The following GSPT1 variants were observed in gnomAD, a reference collection of about 807,000 sequenced individuals.
GSPT1 encodes eukaryotic peptide chain release factor GTP-binding subunit ERF3A.
In GSPT1, 20 loss-of-function variants were observed where a neutral mutation model predicts 72.5. That is an observed-to-expected ratio of 0.28 (90% CI 0.19 to 0.40). The LOEUF (loss-of-function observed/expected upper bound fraction) is 0.40, where lower values mean the gene tolerates loss of function less well. Ranked by LOEUF, GSPT1 falls within the 10% of genes least tolerant of loss-of-function variation. The pLI, the probability that GSPT1 is intolerant of heterozygous loss-of-function variation, is 1.00. For synonymous variants in GSPT1, 334 were observed against 293.5 expected (o/e 1.14, Z -1.41); for missense variants, 580 against 811.9 (o/e 0.71, Z 3.47).
At chr16:11,892,518 A>AAATAAT (rs1555504701) in intron 5 of GSPT1, among the ~76,000 whole-genome samples, 8 of 138,022 alleles carry the variant, frequency 5.8e-5, no homozygotes, top group African/African-American at 2.3e-4. Context: ...AAAAAACAAA[A>AAATAAT]AAAACAAAAA....
chr16:11,887,169 T>G (rs910784017), intron 7 of GSPT1, among the ~76,000 whole-genome samples: 6 of 152,114 alleles, frequency 3.9e-5, no homozygotes, highest in Non-Finnish European at 5.9e-5. Context: ...AATTCCAACA[T>G]TTACTTTCTA....
intron 1 of GSPT1, among the ~76,000 whole-genome samples, chr16:11,901,031 G>C (rs531598514): frequency 2.3e-4 from 35 of 152,150 alleles, no homozygotes; most frequent in African/African-American, 8.4e-4. Context: ...AAAAACTGTC[G>C]GGAATGGCGG....
At chr16:11,876,820 T>C (rs2054054460) in intron 12 of GSPT1, among the ~76,000 whole-genome samples, 1 of 152,160 alleles carries the variant, frequency 6.6e-6, no homozygotes, top group African/African-American at 2.4e-5. Flanking sequence ...ACTAAGCTAA[T>C]TTTTACCGCT....
At chr16:11,904,031 C>G (rs1328491034) in intron 1 of GSPT1, 1 of 223,136 alleles carries the variant, frequency 4.5e-6, no homozygotes, top group East Asian at 1.1e-4. Flanking sequence ...CAAACTCATA[C>G]AAAGCTGCAA....
chr16:11,897,684 T>TG (rs1377654541), intron 3 of GSPT1, among the ~76,000 whole-genome samples, 156 bp downstream of exon 3: 2 of 152,220 alleles, frequency 1.3e-5, no homozygotes, highest in Non-Finnish European at 2.9e-5. Context: ...GCAGTGTTAG[T>TG]GCCTAGTTTG....
chr16:11,898,660 A>G (rs1030407466), intron 1 of GSPT1, among the ~76,000 whole-genome samples: 2 of 152,216 alleles, frequency 1.3e-5, no homozygotes, highest in South Asian at 2.1e-4. Context: ...CACGTTGGTC[A>G]GGCTGGTTTT....
Position 11,915,820 on chromosome 16 carries a change from G to C in GSPT1, c.-100C>G, listed in dbSNP as rs752262131. ...GCAACGCTGACTGAGGGAAGGCGGC[G>C]GGGCAGAAGGGCCGGGAGCTAGCGA... On this transcript the variant is annotated 5_prime_UTR_variant, in exon 1 of 15. Coordinates refer to ENST00000434724, the MANE Select transcript of GSPT1 (RefSeq NM_002094.4). 2 of 1,538,342 alleles carry C rather than the reference G, an allele frequency of 1.3e-6. No homozygotes were observed. Among genetic ancestry groups the C allele is most frequent in the Non-Finnish European group, 1.8e-6 (2 of 1,131,560 alleles).
intron 5 of GSPT1, among the ~76,000 whole-genome samples, chr16:11,892,506 C>CAAAAAAAAAAAAAAAA (rs777010436): frequency 3.3e-4 from 20 of 60,150 alleles, no homozygotes; most frequent in South Asian, 6.1e-4. Flanking sequence ...GACCCTTTCT[C>CAAAAAAAAAAAAAAAA]AAAAAAACAA....
In GSPT1 at chr16:11,915,926, C is replaced by T; in HGVS notation, c.-206G>A. On this transcript the variant is annotated 5_prime_UTR_variant, in exon 1 of 15. Coordinates refer to ENST00000434724, the MANE Select transcript of GSPT1 (RefSeq NM_002094.4). Reference sequence around the variant, plus strand: ...ACGACGACAGAGGCGGCGGCGGCGGCAGCTCAACCCTCCTCCTCGTGTGTG... The same window carrying T: ...ACGACGACAGAGGCGGCGGCGGCGGTAGCTCAACCCTCCTCCTCGTGTGTG... 1 of 764,306 alleles carries T rather than the reference C, an allele frequency of 1.3e-6. No homozygotes were observed. Among genetic ancestry groups the T allele is most frequent in the East Asian group, 2.6e-5 (1 of 39,118 alleles). The allele number at this position is 764,306 out of a possible 1,614,324, so 47.3% of individuals were successfully genotyped here.
At chr16:11,915,307 A>C in intron 1 of GSPT1, 62 bp downstream of exon 1, 2 of 1,363,310 alleles carry the variant, frequency 1.5e-6, no homozygotes, top group Non-Finnish European at 1.9e-6. Context: ...CCCGGACCGC[A>C]CCCCTACGCC....
chr16:11,875,146 G>A (rs962840970), intron 14 of GSPT1, among the ~76,000 whole-genome samples: 3 of 151,960 alleles, frequency 2.0e-5, no homozygotes, highest in Non-Finnish European at 4.4e-5. Context: ...CCAAGATGGT[G>A]CCACTGCACT....
intron 4 of GSPT1, chr16:11,895,515 G>C (rs1461049502): frequency 6.6e-6 from 1 of 151,716 alleles, no homozygotes; most frequent in African/African-American, 2.4e-5. Flanking sequence ...AGCGGCAACA[G>C]ACTATAAATT....
intron 1 of GSPT1, 40 bp downstream of exon 1, chr16:11,915,329 G>C: frequency 7.0e-7 from 1 of 1,427,156 alleles, no homozygotes; most frequent in Admixed American, 3.5e-5. Context: ...TGTGGGCTCC[G>C]GCGCCCGGCC....
chr16:11,883,243 CAAAT>C, intron 10 of GSPT1, 148 bp from the exon 11 acceptor site: 1 of 601,094 alleles, frequency 1.7e-6, no homozygotes, highest in Admixed American at 2.9e-5. Flanking sequence ...AACTCAGTAA[CAAAT>C]ACTCTATAAT....
chr16:11,887,455 C>T lies in GSPT1; in HGVS notation c.957+115G>A, dbSNP rs781060020. 3.4e-5 allele frequency: 27 copies of T among 797,606 alleles called. No homozygotes were observed. In the Admixed American group the frequency reaches 5.5e-4, roughly 16 times the overall value. 49.4% of individuals were successfully genotyped at this position (797,606 alleles called of 1,614,324 possible). ...GTATGATGAAAACTGTGACCGTGTA[C>T]ATCATTATATTTCACTGCAACCTGA... On this transcript the variant is annotated intron_variant, in intron 7 of 14. Transcript: ENST00000434724.
Position 11,894,945 on chromosome 16 carries a change from C to A in GSPT1, c.698+9G>T. 1 of 1,535,536 alleles carries A rather than the reference C, an allele frequency of 6.5e-7. No homozygotes were observed. The highest frequency in any genetic ancestry group is 8.9e-7 in the Non-Finnish European group (1 of 1,117,502). On this transcript the variant is annotated intron_variant, in intron 5 of 14. Transcript: ENST00000434724. ...TAACTCTGTTATTTAACAAAAGATACAGACTTACATTATTTGTCCTCCAAT... is the reference window on the plus strand; with the variant it reads ...TAACTCTGTTATTTAACAAAAGATAAAGACTTACATTATTTGTCCTCCAAT...
At chr16:11,902,423 A>G (rs1007466109) in intron 1 of GSPT1, among the ~76,000 whole-genome samples, 4 of 150,986 alleles carry the variant, frequency 2.6e-5, no homozygotes, top group Non-Finnish European at 4.4e-5. Context: ...AAAAAAAAAA[A>G]AAAGAGGCAA....
At chr16:11,885,646 C>T (rs2054178171) in intron 9 of GSPT1, among the ~76,000 whole-genome samples, 1 of 152,188 alleles carries the variant, frequency 6.6e-6, no homozygotes, top group Admixed American at 6.5e-5. Context: ...AATCCCAGCA[C>T]TTTGGGAGGC....
At chr16:11,897,579 C>T (rs1445914770) in intron 3 of GSPT1, among the ~76,000 whole-genome samples, 3 of 151,950 alleles carry the variant, frequency 2.0e-5, no homozygotes, top group Non-Finnish European at 2.9e-5. Flanking sequence ...AGCAAGACTC[C>T]GTCTCAAAAA....
Sources: allele counts gnomAD v4.1 joint callset (sites outside exome capture counted in the v4.1 genomes callset), GRCh38; gene constraint gnomAD v4.1.1; transcripts MANE v1.5; gene names NCBI Gene and HGNC (gene_info 2026-07-23, HGNC 2026-07-21).